KAT14: variants seen among roughly 807,000 people sequenced by gnomAD.
KAT14 encodes cysteine-rich protein 2-binding protein.
In KAT14, 66 loss-of-function variants were observed where a neutral mutation model predicts 78.4. The ratio of observed to expected loss-of-function variants is 0.84; its 90% CI spans 0.69 to 1.03. The LOEUF is 1.03. KAT14 is among the 50% of genes least tolerant of loss of function. The pLI is 0.00. For synonymous variants in KAT14, 344 were observed against 359.4 expected, an observed-to-expected ratio of 0.96 and a Z score of 0.48; for missense variants, 870 against 972.5, an observed-to-expected ratio of 0.89 and a Z score of 1.40.
At chr20:18,158,577 G>A (rs1007523667) in intron 4 of KAT14, among the ~76,000 whole-genome samples, 4 of 152,146 alleles carry the variant, frequency 2.6e-5, no homozygotes, top group African/African-American at 4.8e-5. Context: ...CTAGTGCATC[G>A]AGGCAGATAG....
At chr20:18,166,557 T>C (rs2035032785) in intron 7 of KAT14, among the ~76,000 whole-genome samples, 1 of 152,238 alleles carries the variant, frequency 6.6e-6, no homozygotes, top group South Asian at 2.1e-4. Flanking sequence ...TTATGATTTA[T>C]TCTTTAACAA....
At chr20:18,139,147 G>A (rs1324693312) in intron 1 of KAT14, among the ~76,000 whole-genome samples, 1 of 152,210 alleles carries the variant, frequency 6.6e-6, no homozygotes, top group East Asian at 1.9e-4. Context: ...GGAAGCATGT[G>A]ATGGTACAAG....
intron 1 of KAT14, among the ~76,000 whole-genome samples, chr20:18,141,050 T>TTTTTG (rs2037550394): frequency 8.0e-6 from 1 of 124,584 alleles, no homozygotes; most frequent in Admixed American, 8.5e-5. Context: ...TTTTTTTATT[T>TTTTTG]TTATTTTTGC....
At chr20:18,137,294 T>TAATAATA (rs1555801071), upstream of KAT14, among the ~76,000 whole-genome samples, 1 of 150,192 alleles carries the variant, frequency 6.7e-6, no homozygotes, top group Admixed American at 6.6e-5. Flanking sequence ...GTATCAAAAT[T>TAATAATA]ATAATAATAA....
rs571550192 is a variant in KAT14, at chr20:18,165,217, G to A, written c.1668+2272G>A. ...TATGTCTCTAAATGATATACTTTTC[G>A]TTTAAAAAAATACTGAGTAGCAAGC... On this transcript the variant is annotated intron_variant, in intron 7 of 10. Transcript: ENST00000688188. 2.4e-4 allele frequency among the ~76,000 whole-genome samples: 31 copies of A among 131,856 alleles called. 1 individual carries two copies. In the South Asian group the frequency reaches 2.8e-3, roughly 12 times the overall value. The allele number at this position is 131,856 out of a possible 152,430, so 86.5% of individuals were successfully genotyped here. A position where few individuals can be genotyped will look rare whatever the true frequency, so the allele number is the denominator to read the frequency against.
At chr20:18,165,499 G>A (rs1228904231) in intron 7 of KAT14, among the ~76,000 whole-genome samples, 1 of 152,172 alleles carries the variant, frequency 6.6e-6, no homozygotes, top group African/African-American at 2.4e-5. Context: ...TTCTCCCCTA[G>A]TGCGTACCCC....
rs76168870 is a variant in KAT14, at chr20:18,142,250, C to T, written c.-411C>T. 225 of 1,536,864 alleles carry T rather than the reference C, an allele frequency of 1.5e-4. 1 individual carries two copies. In the Admixed American group the frequency reaches 3.2e-3, roughly 22 times the overall value. ...TATCAGAGACATTGAGAGGCAAATT[C>T]GGAAAAAAGAAAACATTCGTCTTTT... On this transcript the variant is annotated 5_prime_UTR_variant, in exon 2 of 11. Transcript: ENST00000688188.
intron 7 of KAT14, among the ~76,000 whole-genome samples, chr20:18,179,280 CCTCTT>C (rs1331370890): frequency 6.6e-6 from 1 of 152,176 alleles, no homozygotes; most frequent in Non-Finnish European, 1.5e-5. Context: ...GGACGGTGGC[CCTCTT>C]CTCACAGCTA....
At chr20:18,175,214 C>T (rs971466140) in intron 7 of KAT14, among the ~76,000 whole-genome samples, 3 of 152,156 alleles carry the variant, frequency 2.0e-5, no homozygotes, top group Admixed American at 6.5e-5. Flanking sequence ...GGACCTCTCG[C>T]CCAGGTGCTG....
chr20:18,156,310 ATGG>A, intron 4 of KAT14, among the ~76,000 whole-genome samples: 1 of 152,262 alleles, frequency 6.6e-6, no homozygotes, highest in East Asian at 1.9e-4. Context: ...CTGAAAGTGG[ATGG>A]TGGTGGTGAT....
At chr20:18,144,894 T>A (rs2037764996) in intron 2 of KAT14, among the ~76,000 whole-genome samples, 3 of 152,146 alleles carry the variant, frequency 2.0e-5, no homozygotes, top group Admixed American at 1.3e-4. Context: ...CAGTGCCTGG[T>A]ATGCAGAGGG....
intron 6 of KAT14, 54 bp from the exon 7 acceptor site, chr20:18,162,322 GC>G: frequency 6.2e-7 from 1 of 1,603,400 alleles, no homozygotes; most frequent in Non-Finnish European, 8.5e-7. Context: ...TGGGCTGTGT[GC>G]TCTGCATTTC....
intron 3 of KAT14, among the ~76,000 whole-genome samples, chr20:18,146,265 A>G (rs2037821483): frequency 6.6e-6 from 1 of 152,196 alleles, no homozygotes; most frequent in Admixed American, 6.5e-5. Flanking sequence ...GAAACCAGAC[A>G]TGGTGGCTCA....
intron 7 of KAT14, among the ~76,000 whole-genome samples, chr20:18,172,561 C>T (rs948170515): frequency 2.0e-5 from 3 of 152,162 alleles, no homozygotes; most frequent in African/African-American, 7.2e-5. Flanking sequence ...GCCACCACAC[C>T]CAGCCTTAAA....
intron 9 of KAT14, 30 bp from the exon 10 acceptor site, chr20:18,184,572 T>G: frequency 2.5e-6 from 4 of 1,585,648 alleles, no homozygotes; most frequent in Non-Finnish European, 3.4e-6. Context: ...AGGCATGTGG[T>G]TTGAGTCTCC....
chr20:18,153,196 C>T (rs186777958), intron 4 of KAT14, among the ~76,000 whole-genome samples: 1 of 152,152 alleles, frequency 6.6e-6, no homozygotes, highest in Non-Finnish European at 1.5e-5. Flanking sequence ...GGAATCACAG[C>T]TTTGCTCATG....
intron 2 of KAT14, 156 bp downstream of exon 2, chr20:18,143,075 G>A: frequency 7.1e-7 from 1 of 1,415,310 alleles, no homozygotes. Flanking sequence ...TAAAACATAG[G>A]CATGTTTGTA....
chr20:18,176,295 C>T lies in KAT14; in HGVS notation c.1669-5415C>T, dbSNP rs369109998. 3.7e-3 allele frequency among the ~76,000 whole-genome samples: 328 copies of T among 88,686 alleles called. 2 individuals are homozygous for T. Among genetic ancestry groups the T allele is most frequent in the African/African-American group, 0.013 (314 of 23,628 alleles). 58.2% of individuals were successfully genotyped at this position (88,686 alleles called of 152,430 possible). On this transcript the variant is annotated intron_variant, in intron 7 of 10. Coordinates refer to ENST00000688188, the MANE Select transcript of KAT14 (RefSeq NM_001392073.1). ...CAGCTTGGGCAACAGAGTGAGACTT[C>T]GTCTCAAAAAAAAAAAAAAAAAAAG... is the stretch of plus-strand genomic sequence containing the variant.
chr20:18,187,263 G>A lies in KAT14; in HGVS notation c.2173-23G>A, dbSNP rs1338080370. On this transcript the variant is annotated intron_variant, in intron 10 of 10. Coordinates refer to ENST00000688188, the MANE Select transcript of KAT14 (RefSeq NM_001392073.1). ...CCTCAGGCCTTTCCATTTTTATCTT[G>A]TATTTTTCCACTCTTTTGGCAGACC... 1.9e-6 allele frequency: 3 copies of A among 1,571,998 alleles called. No individual in the cohort carries two copies. In the African/African-American group the frequency reaches 4.2e-5, roughly 22 times the overall value.
Sources: allele counts gnomAD v4.1 joint callset (sites outside exome capture counted in the v4.1 genomes callset), GRCh38; gene constraint gnomAD v4.1.1; transcripts MANE v1.5; gene names NCBI Gene and HGNC (gene_info 2026-07-23, HGNC 2026-07-21).